The following ZBTB45 variants were observed in gnomAD, a reference collection of about 807,000 sequenced individuals.
ZBTB45 encodes zinc finger and BTB domain containing 45.
ZBTB45 carries 22 observed loss-of-function variants against 28.4 expected under a neutral mutation model. The ratio of observed to expected loss-of-function variants is 0.77; its 90% CI spans 0.55 to 1.10. The LOEUF (loss-of-function observed/expected upper bound fraction) is 1.10. Among genes scored for constraint, ZBTB45 ranks in the 50% least tolerant of loss-of-function variants. The pLI is 0.00. For missense variants in ZBTB45, 656 were observed against 750.2 expected (o/e 0.87, Z 1.47); for synonymous variants, 361 against 332.3 (o/e 1.09, Z -0.94).
intron 1 of ZBTB45, among the ~76,000 whole-genome samples, chr19:58,533,262 C>A (rs1316971260): frequency 6.6e-6 from 1 of 152,204 alleles, no homozygotes; most frequent in Non-Finnish European, 1.5e-5. Context: ...GGCATTAGTC[C>A]CATTATGGGG....
chr19:58,514,279 C>T lies in ZBTB45; in HGVS notation c.1311G>A (p.Trp437Ter). ...GGTAGTCGCGTAGAGAGAAGGATCG[C>T]CAGCACACGGCGCACTGGTGCGGCT... ...GEKPHQCAVC[W>*]RSFSLRDYLL... Residue 437 changes from tryptophan (W) to a stop codon, truncating the protein, a stop_gained, in exon 3 of 3, where the codon TGG becomes TGA. Transcript: ENST00000594051. LOFTEE classifies it high-confidence loss of function. 4 of 1,608,772 alleles carry T rather than the reference C, an allele frequency of 2.5e-6. No homozygotes were observed. Among genetic ancestry groups the T allele is most frequent in the South Asian group, 1.1e-5 (1 of 90,940 alleles).
chr19:58,529,385 C>T (rs1017751845), intron 1 of ZBTB45, among the ~76,000 whole-genome samples: 3 of 152,136 alleles, frequency 2.0e-5, no homozygotes, highest in Non-Finnish European at 4.4e-5. Context: ...GAAGCAGGAT[C>T]GTACCACCGC....
rs1040469095 is a variant in ZBTB45 at position 58,516,762 on chromosome 19, A to C, written c.912T>G (p.Thr304=). 1 of 1,613,292 alleles carries C rather than the reference A, an allele frequency of 6.2e-7. No homozygotes were observed. Among genetic ancestry groups the C allele is most frequent in the African/African-American group, 1.3e-5 (1 of 74,902 alleles). The change falls in exon 2 of 3, where the codon ACT becomes ACG. Residue 304 remains threonine (T), a synonymous_variant. Transcript: ENST00000594051. This position sits in a 1 kb window ranked among gnomAD's most constrained non-coding sequence, Gnocchi z 6.2. ...TGCAGTCGGGCTGGACAGGGGTCTC[A>C]GTGGGACAGCCTTCGGGGACAGCGC... ...EDGAVPEGCP[T]ETPVQPDCIL... is the part of the protein sequence containing the mutation.
intron 1 of ZBTB45, among the ~76,000 whole-genome samples, chr19:58,518,077 G>A (rs2053538620): frequency 6.7e-6 from 1 of 148,928 alleles, no homozygotes. Context: ...AGCCCGGTGT[G>A]TAGAAGAGGC....
In ZBTB45 at chr19:58,516,744, G is replaced by C. The variant is rs138705815; in HGVS notation, c.930C>G (p.Pro310=). The change falls in exon 2 of 3, where the codon CCC becomes CCG. Residue 310 remains proline, a synonymous_variant. Transcript: ENST00000594051. The surrounding 1 kb of genome is among the most constrained non-coding windows in gnomAD (Gnocchi z 6.2). ...EGCPTETPVQ[P]DCILSGSRPP... ...GGCGGGATCCAGACAGTATGCAGTC[G>C]GGCTGGACAGGGGTCTCAGTGGGAC... 2 of 1,611,984 alleles carry C rather than the reference G, an allele frequency of 1.2e-6. No individual in the cohort carries two copies. Among genetic ancestry groups the C allele is most frequent in the Middle Eastern group, 1.7e-4 (1 of 6,046 alleles).
At chr19:58,528,598 A>G (rs1026150202) in intron 1 of ZBTB45, among the ~76,000 whole-genome samples, 4 of 152,114 alleles carry the variant, frequency 2.6e-5, no homozygotes, top group African/African-American at 9.7e-5. Flanking sequence ...CATCTCTACT[A>G]AAAATACAAA....
chr19:58,522,768 G>T (rs1401587012), upstream of ZBTB45, among the ~76,000 whole-genome samples: 3 of 152,180 alleles, frequency 2.0e-5, no homozygotes, highest in African/African-American at 7.2e-5. Context: ...GAGCATAAGG[G>T]TAGGTGGGAA....
upstream of ZBTB45, among the ~76,000 whole-genome samples, chr19:58,521,190 C>G (rs1258385762): frequency 6.7e-6 from 1 of 148,804 alleles, no homozygotes; most frequent in Non-Finnish European, 1.5e-5. Flanking sequence ...CGGTGAAACC[C>G]CGTCTCTACT....
chr19:58,537,421 G>A (rs2053665642), intron 1 of ZBTB45, among the ~76,000 whole-genome samples: 2 of 152,156 alleles, frequency 1.3e-5, no homozygotes, highest in South Asian at 2.1e-4. Flanking sequence ...GAAGAGCATG[G>A]ACCTTGATGG....
At position 58,517,146 on chromosome 19, in the gene ZBTB45, G is replaced by A. The variant is rs765836626; in HGVS notation, c.528C>T (p.Pro176=). The A allele has an allele frequency of 7.4e-6, 12 of 1,612,024 alleles. No homozygotes were observed. Among genetic ancestry groups the A allele is most frequent in the Admixed American group, 3.3e-5 (2 of 59,950 alleles). Residue 176 remains proline, a synonymous_variant, in exon 2 of 3, where the codon CCC becomes CCT. Transcript: ENST00000594051. The part of the protein sequence containing the change: ...GAAHSRKQRQ[P]ARLQLPAPPT... ...GGGGCGCTGGCAGCTGCAAACGCGCGGGCTGGCGCTGCTTACGGCTGTGTG... is the reference window on the plus strand; with the variant it reads ...GGGGCGCTGGCAGCTGCAAACGCGCAGGCTGGCGCTGCTTACGGCTGTGTG...
intron 2 of ZBTB45, among the ~76,000 whole-genome samples, chr19:58,514,906 G>C (rs1382308558): frequency 6.6e-6 from 1 of 152,148 alleles, no homozygotes. Context: ...GGAAGCCCCA[G>C]TTGCCCAGAA....
chr19:58,517,743 C>G, intron 1 of ZBTB45, 70 bp from the exon 2 acceptor site: 1 of 1,437,934 alleles, frequency 7.0e-7, no homozygotes, highest in Non-Finnish European at 9.5e-7. Flanking sequence ...GTCCCTGTCC[C>G]CTCACCCCTT....
At chr19:58,534,016 C>G (rs1227310015) in intron 1 of ZBTB45, among the ~76,000 whole-genome samples, 1 of 152,188 alleles carries the variant, frequency 6.6e-6, no homozygotes, top group Non-Finnish European at 1.5e-5. Context: ...TATGGGTAGG[C>G]AAAGCTTGTC....
rs1026798589 is a variant in ZBTB45, at chr19:58,515,953, G to A, written c.1279+442C>T. Reference sequence around the variant, plus strand: ...GGCCTTCATCCCACCACCTCTGAGGGCTTTCTACCCCTGGGCCTGTAAACC... The same window carrying A: ...GGCCTTCATCCCACCACCTCTGAGGACTTTCTACCCCTGGGCCTGTAAACC... On this transcript the variant is annotated intron_variant, in intron 2 of 2. Transcript: ENST00000594051. The surrounding 1 kb of genome is among the most constrained non-coding windows in gnomAD (Gnocchi z 4.7). Among the ~76,000 whole-genome samples the A allele has an allele frequency of 6.6e-6, 1 of 152,112 alleles. No individual in the cohort carries two copies. The highest frequency in any genetic ancestry group is 2.4e-5 in the African/African-American group (1 of 41,422).
chr19:58,521,942 A>G (rs926021246), upstream of ZBTB45, among the ~76,000 whole-genome samples: 2 of 152,146 alleles, frequency 1.3e-5, no homozygotes, highest in African/African-American at 4.8e-5. Flanking sequence ...TCCTTCACCC[A>G]GGACAGCTAC....
intron 1 of ZBTB45, among the ~76,000 whole-genome samples, chr19:58,534,788 C>T (rs1452792415): frequency 6.6e-6 from 1 of 151,918 alleles, no homozygotes; most frequent in African/African-American, 2.4e-5. Context: ...AATCTCCTGA[C>T]CTTGTGATCC....
In ZBTB45 at chr19:58,516,638, G is replaced by C; in HGVS notation, c.1036C>G (p.Pro346Ala). ...GGGGCTGGCCCCGATGGTGCTGAAGGGGGTGGTGCGGGTGGCCCAGGGGCA... is the reference window on the plus strand; with the variant it reads ...GGGGCTGGCCCCGATGGTGCTGAAGCGGGTGGTGCGGGTGGCCCAGGGGCA... The part of the protein sequence containing the change: ...LGAPGPPAPP[P>A]SAPSGPAPAP... Residue 346 changes from proline to alanine, a missense_variant, in exon 2 of 3, where the codon CCT (proline) becomes GCT (alanine). Pro to Ala is a conservative substitution (Grantham distance 27). This residue lies in a region of ZBTB45 where 448 missense variants were observed against 444.3 expected (regional missense o/e 1.01). Transcript: ENST00000594051. This position sits in a 1 kb window ranked among gnomAD's most constrained non-coding sequence, Gnocchi z 6.2. 4 of 1,561,058 alleles carry C rather than the reference G, an allele frequency of 2.6e-6. No homozygotes were observed. Among genetic ancestry groups the C allele is most frequent in the Non-Finnish European group, 3.5e-6 (4 of 1,153,530 alleles).
intron 1 of ZBTB45, among the ~76,000 whole-genome samples, chr19:58,530,829 G>A (rs1306043175): frequency 3.3e-5 from 5 of 151,582 alleles, no homozygotes; most frequent in East Asian, 1.9e-4. Context: ...GACTACAGGC[G>A]CCCGCCACCA....
chr19:58,527,092 G>A (rs1357734388), intron 1 of ZBTB45, among the ~76,000 whole-genome samples: 4 of 152,198 alleles, frequency 2.6e-5, no homozygotes. Context: ...ACACAGTGAA[G>A]CTCTAGCTGC....
Sources: gnomAD v4.1 joint callset for allele counts (sites outside exome capture counted in the v4.1 genomes callset) on GRCh38, gnomAD v4.1.1 for gene constraint, gnomAD v4.1.1 regional missense constraint, Gnocchi (gnomAD v3.1) non-coding constraint, MANE v1.5 for transcripts, NCBI Gene and HGNC (gene_info 2026-07-23, HGNC 2026-07-21) for gene names.